DIDO1: variants seen among roughly 807,000 people sequenced by gnomAD.
The protein encoded by DIDO1 is death-inducer obliterator 1.
DIDO1 carries 16 observed loss-of-function variants against 99.4 expected under a neutral mutation model. The observed-to-expected ratio is 0.16, with a 90% CI of 0.11 to 0.24. The LOEUF is 0.24. Among genes scored for constraint, DIDO1 ranks in the 10% least tolerant of loss-of-function variants. The probability of loss-of-function intolerance (pLI) is 1.00; values close to 1 mark genes in which losing one functional copy is unlikely to be tolerated. For missense variants in DIDO1, 2,996 were observed against 3,014.0 expected (o/e 0.99, Z 0.14); for synonymous variants, 1,366 against 1,239.1 (o/e 1.10, Z -2.15).
intron 1 of DIDO1, among the ~76,000 whole-genome samples, chr20:62,924,781 T>C (rs1601038581): frequency 1.3e-5 from 2 of 152,160 alleles, no homozygotes; most frequent in Admixed American, 6.5e-5. Context: ...TCACAAATTA[T>C]CTTATTTGTG....
chr20:62,903,072 A>T (rs1337513021), intron 6 of DIDO1, among the ~76,000 whole-genome samples: 1 of 152,274 alleles, frequency 6.6e-6, no homozygotes, highest in East Asian at 1.9e-4. Flanking sequence ...ATAAGAATTT[A>T]TAAAACCACA....
At chr20:62,926,877 C>G (rs1043800267), upstream of DIDO1, among the ~76,000 whole-genome samples, 1 of 152,208 alleles carries the variant, frequency 6.6e-6, no homozygotes, top group Non-Finnish European at 1.5e-5. Flanking sequence ...GGATAGAAAG[C>G]TCCTGGGCTA....
At chr20:62,907,507 G>C (rs1370060220) in intron 4 of DIDO1, 148 bp from the exon 5 acceptor site, 2 of 809,952 alleles carry the variant, frequency 2.5e-6, no homozygotes, top group Non-Finnish European at 3.8e-6. Context: ...TAAACATTTT[G>C]TTGATTCAAG....
At position 62,880,131 on chromosome 20, in the gene DIDO1, G is replaced by A; in HGVS notation, c.5825C>T (p.Pro1942Leu). The A allele has an allele frequency of 2.5e-6, 4 of 1,612,614 alleles. No homozygotes were observed. The highest frequency in any genetic ancestry group is 3.4e-6 in the Non-Finnish European group (4 of 1,179,980). Residue 1942 changes from proline (P) to leucine (L), a missense_variant, in exon 16 of 16, where the codon CCC becomes CTC. Pro to Leu is a moderately conservative substitution (Grantham distance 98, BLOSUM62 -3). Around this residue, in one of 5 missense-constraint regions of DIDO1, gnomAD observed 1,562 missense variants for 1,412.6 expected, o/e 1.11. Coordinates refer to ENST00000395343, the MANE Select transcript of DIDO1 (RefSeq NM_001193369.2). ...SQFETARGPH[P>L]NQFEGPRGQA... ...GCCTCTGGGTCCTTCAAACTGGTTG[G>A]GATGAGGGCCCCGGGCAGTTTCAAA...
At chr20:62,902,864 A>G (rs971017466) in intron 6 of DIDO1, among the ~76,000 whole-genome samples, 1 of 152,230 alleles carries the variant, frequency 6.6e-6, no homozygotes, top group Non-Finnish European at 1.5e-5. Context: ...TCAGATCCTC[A>G]GTGTTTAAGT....
At chr20:62,884,742 C>T (rs1460690813) in intron 15 of DIDO1, among the ~76,000 whole-genome samples, 1 of 152,186 alleles carries the variant, frequency 6.6e-6, no homozygotes, top group Non-Finnish European at 1.5e-5. Flanking sequence ...GGAGAGAGGA[C>T]CAAAGGCCTC....
chr20:62,908,127 A>C (rs1233660693), intron 4 of DIDO1, among the ~76,000 whole-genome samples: 1 of 152,008 alleles, frequency 6.6e-6, no homozygotes, highest in African/African-American at 2.4e-5. Context: ...CTACAGGCAC[A>C]TACCACCACG....
At chr20:62,888,268 G>A in intron 15 of DIDO1, 2 of 985,498 alleles carry the variant, frequency 2.0e-6, no homozygotes, top group Non-Finnish European at 2.4e-6. Flanking sequence ...GAGGCACATG[G>A]ACGAGTCAGT....
chr20:62,884,894 CG>C lies in DIDO1; in HGVS notation c.3542-2481del, dbSNP rs576585107. ...GGAGGAGGGAAGCAGGAAAACCAGC[CG>C]GGCCACACCGAAGGGCACAGCTGAG... On this transcript the variant is annotated intron_variant, in intron 15 of 15. Transcript: ENST00000395343. Among the ~76,000 whole-genome samples, 874 of 152,280 alleles carry C rather than the reference CG, an allele frequency of 5.7e-3. 6 individuals are homozygous for C. Among genetic ancestry groups the C allele is most frequent in the South Asian group, 0.016 (79 of 4,826 alleles).
chr20:62,906,043 T>C lies in DIDO1; in HGVS notation c.1432A>G (p.Thr478Ala), dbSNP rs1443538142. 1.2e-6 allele frequency: 2 copies of C among 1,613,702 alleles called. No individual in the cohort carries two copies. The highest frequency in any genetic ancestry group is 2.7e-5 in the African/African-American group (2 of 74,916). Reference protein sequence around the residue: ...KRPAPEKKETTVKKAVVVPAR... With the variant: ...KRPAPEKKETAVKKAVVVPAR... ...GGGACCACCACTGCCTTCTTCACTG[T>C]GGTCTCTTTTTTTTCTGGAGCTGGT... The change falls in exon 6 of 16, where the codon ACA (threonine) becomes GCA (alanine). Residue 478 changes from threonine to alanine, a missense_variant. Transcript: ENST00000395343.
At position 62,893,881 on chromosome 20, in the gene DIDO1, T is replaced by C. The variant is rs764348178; in HGVS notation, c.2886A>G (p.Thr962=). ...SCGSGVVTTV[T]VSGRDPRTAP... is the part of the protein sequence containing the mutation. ...CGGTCCTGGGGTCCCGGCCGGACAC[T>C]GTGACGGTGGTGACCACCCCGCTCC... The change falls in exon 12 of 16, where the codon ACA becomes ACG. Residue 962 remains threonine (T), a synonymous_variant. Transcript: ENST00000395343. 2.5e-6 allele frequency: 4 copies of C among 1,611,626 alleles called. No homozygotes were observed. The East Asian group carries it at 8.9e-5, about 36-fold the overall frequency.
chr20:62,924,683 G>A (rs2065219410), intron 1 of DIDO1, among the ~76,000 whole-genome samples: 1 of 152,156 alleles, frequency 6.6e-6, no homozygotes, highest in Non-Finnish European at 1.5e-5. Flanking sequence ...TGATCCGCAC[G>A]TCCTAGACAA....
intron 1 of DIDO1, among the ~76,000 whole-genome samples, chr20:62,922,550 G>A (rs751608858): frequency 2.6e-5 from 4 of 152,056 alleles, no homozygotes; most frequent in Non-Finnish European, 4.4e-5. Flanking sequence ...CTAGGAACGC[G>A]GGGGCCACAG....
upstream of DIDO1, among the ~76,000 whole-genome samples, chr20:62,931,185 T>C (rs956410385): frequency 2.0e-5 from 3 of 152,152 alleles, no homozygotes; most frequent in African/African-American, 7.2e-5. Context: ...CACTCGCCTC[T>C]GCCTCCCAAA....
intron 6 of DIDO1, among the ~76,000 whole-genome samples, chr20:62,901,936 G>GAC (rs777900971): frequency 1.3e-5 from 2 of 151,928 alleles, no homozygotes; most frequent in Non-Finnish European, 2.9e-5. Context: ...TGCACTCTGT[G>GAC]ACACCGAGAA....
At chr20:62,899,778 G>A (rs563025285) in intron 6 of DIDO1, among the ~76,000 whole-genome samples, 22 of 152,260 alleles carry the variant, frequency 1.4e-4, no homozygotes, top group South Asian at 4.1e-4. Flanking sequence ...GCCTCTGGGA[G>A]CAGTGTCCTA....
At position 62,914,300 on chromosome 20, in the gene DIDO1, A is replaced by C. The variant is rs1012862595; in HGVS notation, c.-93T>G. 6.6e-6 allele frequency: 1 copy of C among 152,150 alleles called. No individual in the cohort carries two copies. Among genetic ancestry groups the C allele is most frequent in the African/African-American group, 2.4e-5 (1 of 41,460 alleles). The allele number at this position is 152,150 out of a possible 1,614,324, so 9.4% of individuals were successfully genotyped here. On this transcript the variant is annotated 5_prime_UTR_variant, in exon 2 of 16. Transcript: ENST00000395343. ...AGACGAAACCTCTGGGTCCAAGCAG[A>C]CAGCCAGGCTCACAACAACACTGTT...
Position 62,882,042 on chromosome 20 carries a change from G to C in DIDO1, c.3914C>G (p.Ser1305Trp), listed in dbSNP as rs762356761. The change falls in exon 16 of 16, where the codon TCG becomes TGG. Residue 1305 changes from serine (S) to tryptophan (W), a missense_variant. This residue lies in a region of DIDO1 where 1,562 missense variants were observed against 1,412.6 expected (regional missense o/e 1.11). Transcript: ENST00000395343. ...CGGTGATGCTGTTTTGGAAGCAGAC[G>C]AAGCGGTGGAGGAAGCTGCCGTGGA... ...AASTAASSTA[S>W]SASKTASPLE... The C allele has an allele frequency of 6.2e-7, 1 of 1,613,610 alleles. No homozygotes were observed. The highest frequency in any genetic ancestry group is 1.7e-5 in the Admixed American group (1 of 60,022).
chr20:62,898,508 C>T (rs567393804), intron 6 of DIDO1, among the ~76,000 whole-genome samples: 25 of 152,318 alleles, frequency 1.6e-4, no homozygotes, highest in Middle Eastern at 6.8e-3. Context: ...ATATTCGCCC[C>T]GACTTTCAAG....
Sources: gnomAD v4.1 joint callset for allele counts (sites outside exome capture counted in the v4.1 genomes callset) on GRCh38, gnomAD v4.1.1 for gene constraint, gnomAD v4.1.1 regional missense constraint, MANE v1.5 for transcripts, NCBI Gene and HGNC (gene_info 2026-07-23, HGNC 2026-07-21) for gene names.